MACROD2: variants seen among roughly 807,000 people sequenced by gnomAD.
MACROD2 encodes mono-ADP ribosylhydrolase 2.
Under a neutral mutation model 70.4 loss-of-function variants are expected in MACROD2, and 36 were observed. That is an observed-to-expected ratio of 0.51 (90% CI 0.39 to 0.68). The LOEUF is 0.68. MACROD2 is among the 30% of genes least tolerant of loss of function. The pLI is 0.00. For missense variants in MACROD2, 496 were observed against 538.4 expected (o/e 0.92, Z 0.78); for synonymous variants, 172 against 178.8 (o/e 0.96, Z 0.30).
intron 5 of MACROD2, among the ~76,000 whole-genome samples, chr20:14,900,862 C>G (rs1410012777): frequency 6.6e-6 from 1 of 151,698 alleles, no homozygotes; most frequent in Non-Finnish European, 1.5e-5. Flanking sequence ...TTATGTTGCT[C>G]TTTTTCTGGT....
chr20:14,752,182 A>C (rs1421574306), intron 5 of MACROD2, among the ~76,000 whole-genome samples: 2 of 151,522 alleles, frequency 1.3e-5, no homozygotes, highest in Non-Finnish European at 2.9e-5. Flanking sequence ...GAGATGCTTA[A>C]ATTGTTCCCT....
chr20:15,458,627 GT>G (rs1195911390), intron 7 of MACROD2, among the ~76,000 whole-genome samples: 57 of 108,938 alleles, frequency 5.2e-4, no homozygotes, highest in East Asian at 1.0e-3. Flanking sequence ...TTGTTTTTTT[GT>G]TTTTTTTTTT....
chr20:15,835,553 G>C (rs890566239), intron 8 of MACROD2, among the ~76,000 whole-genome samples: 6 of 151,730 alleles, frequency 4.0e-5, no homozygotes, highest in African/African-American at 1.5e-4. Flanking sequence ...TAATATCATT[G>C]GTATGTTGTT....
chr20:14,057,217 G>T (rs568623857), intron 2 of MACROD2, among the ~76,000 whole-genome samples: 19 of 152,160 alleles, frequency 1.2e-4, no homozygotes, highest in African/African-American at 4.6e-4. Context: ...TCTTGAAGTA[G>T]GAAAATGTTT....
intron 3 of MACROD2, among the ~76,000 whole-genome samples, chr20:14,227,409 C>A (rs1178216904): frequency 6.6e-6 from 1 of 152,182 alleles, no homozygotes; most frequent in Admixed American, 6.5e-5. Context: ...ACACTCACCA[C>A]AAAGGTCTGC....
At chr20:14,423,331 A>G (rs2122900781) in intron 3 of MACROD2, among the ~76,000 whole-genome samples, 1 of 151,584 alleles carries the variant, frequency 6.6e-6, no homozygotes, top group South Asian at 2.1e-4. Context: ...CAGCTCCATA[A>G]AAGTAGGTTT....
intron 9 of MACROD2, among the ~76,000 whole-genome samples, chr20:15,865,354 A>T (rs944138338): frequency 6.6e-6 from 1 of 151,666 alleles, no homozygotes; most frequent in Non-Finnish European, 1.5e-5. Context: ...AATAATAATG[A>T]TTAATAATAA....
At chr20:14,932,858 G>A (rs1489904402) in intron 5 of MACROD2, among the ~76,000 whole-genome samples, 3 of 152,000 alleles carry the variant, frequency 2.0e-5, no homozygotes, top group Admixed American at 6.6e-5. Context: ...GAACCACGGC[G>A]CCCAGCAAAC....
At chr20:14,198,852 G>T (rs2081455493) in intron 3 of MACROD2, among the ~76,000 whole-genome samples, 10 of 152,102 alleles carry the variant, frequency 6.6e-5, no homozygotes, top group Admixed American at 6.5e-4. Flanking sequence ...AGCATTTTCT[G>T]CAGTGATGGG....
rs78919671 is a variant in MACROD2 at position 15,122,227 on chromosome 20, T to G, written c.419-107713T>G. Among the ~76,000 whole-genome samples, 154 of 152,300 alleles carry G rather than the reference T, an allele frequency of 1.0e-3. 1 individual carries two copies. Among genetic ancestry groups the G allele is most frequent in the African/African-American group, 3.2e-3 (131 of 41,580 alleles). On this transcript the variant is annotated intron_variant, in intron 5 of 17. Coordinates refer to ENST00000684519, the MANE Select transcript of MACROD2 (RefSeq NM_001351661.2). ...AAAATGTTTTGAAATGGTTATTGGT[T>G]CACGGACATTAGGCTCTGTAATACC...
At chr20:14,918,105 G>A (rs900835946) in intron 5 of MACROD2, among the ~76,000 whole-genome samples, 1 of 151,954 alleles carries the variant, frequency 6.6e-6, no homozygotes, top group Admixed American at 6.6e-5. Flanking sequence ...TCACGAGTAG[G>A]TGGAACTACA....
chr20:14,080,494 C>A (rs2053977134), intron 2 of MACROD2, among the ~76,000 whole-genome samples: 1 of 142,510 alleles, frequency 7.0e-6, no homozygotes, highest in Non-Finnish European at 1.5e-5. Context: ...ATAAAAAATT[C>A]CAGTAAAACA....
At chr20:15,528,754 A>G (rs2047756060) in intron 8 of MACROD2, among the ~76,000 whole-genome samples, 1 of 148,808 alleles carries the variant, frequency 6.7e-6, no homozygotes, top group Non-Finnish European at 1.5e-5. Flanking sequence ...CTTTACCACC[A>G]CTACTTTAAT....
At chr20:15,726,185 G>A (rs2050859892) in intron 8 of MACROD2, among the ~76,000 whole-genome samples, 1 of 152,066 alleles carries the variant, frequency 6.6e-6, no homozygotes, top group Non-Finnish European at 1.5e-5. Context: ...TGTGGCATTT[G>A]GTTTTCTGGT....
chr20:14,880,494 G>A lies in MACROD2; in HGVS notation c.418+195535G>A, dbSNP rs181756518. On this transcript the variant is annotated intron_variant, in intron 5 of 17. Coordinates refer to ENST00000684519, the MANE Select transcript of MACROD2 (RefSeq NM_001351661.2). ...TCAAGAGCCCACGTAATAAATCCCC[G>A]AGGAACTTAAGAGAGATGAACTGTA... Among the ~76,000 whole-genome samples the A allele has an allele frequency of 3.3e-5, 5 of 152,230 alleles. No homozygotes were observed. In the East Asian group the frequency reaches 5.8e-4, roughly 18 times the overall value.
Position 14,978,891 on chromosome 20 carries a change from ATATTATATAATATAT to A in MACROD2, c.419-251045_419-251031del, listed in dbSNP as rs1568909341. Among the ~76,000 whole-genome samples, 38 of 3,520 alleles carry A rather than the reference ATATTATATAATATAT, an allele frequency of 0.011. No homozygotes were observed. The Non-Finnish European group carries it at 0.15, about 14-fold the overall frequency. 2.3% of individuals were successfully genotyped at this position (3,520 alleles called of 152,430 possible). ...ATATTATATAATATATAAAATATAT[ATATTATATAATATAT>A]TATATATAATATATATCATAATATA... On this transcript the variant is annotated intron_variant, in intron 5 of 17. Transcript: ENST00000684519.
At chr20:15,653,367 G>T (rs573079942) in intron 8 of MACROD2, among the ~76,000 whole-genome samples, 1 of 152,320 alleles carries the variant, frequency 6.6e-6, no homozygotes, top group African/African-American at 2.4e-5. Context: ...TGTGACTAAA[G>T]TCAAACGTGC....
At chr20:14,616,243 A>T (rs1983470063) in intron 4 of MACROD2, among the ~76,000 whole-genome samples, 1 of 152,142 alleles carries the variant, frequency 6.6e-6, no homozygotes, top group Non-Finnish European at 1.5e-5. Context: ...TACTAGGCAA[A>T]GCTATGAAAT....
chr20:15,570,134 G>A (rs565042852), intron 8 of MACROD2, among the ~76,000 whole-genome samples: 4 of 152,270 alleles, frequency 2.6e-5, no homozygotes, highest in South Asian at 2.1e-4. Flanking sequence ...CGTAATGGCT[G>A]TATTAATGTA....
Sources: allele counts gnomAD v4.1 joint callset (sites outside exome capture counted in the v4.1 genomes callset), GRCh38; gene constraint gnomAD v4.1.1; transcripts MANE v1.5; gene names NCBI Gene and HGNC (gene_info 2026-07-23, HGNC 2026-07-21).